The following ZSCAN5A variants were observed in gnomAD, a reference collection of about 807,000 sequenced individuals.
ZSCAN5A encodes zinc finger and SCAN domain containing 5A.
Under a neutral mutation model 23.7 loss-of-function variants are expected in ZSCAN5A, and 12 were observed. That is an observed-to-expected ratio of 0.51 (90% CI 0.32 to 0.82). ZSCAN5A has a LOEUF of 0.82. Among genes scored for constraint, ZSCAN5A ranks in the 40% least tolerant of loss-of-function variants. ZSCAN5A has a pLI of 0.03. For synonymous variants in ZSCAN5A, 257 were observed against 239.9 expected, an observed-to-expected ratio of 1.07 and a Z score of -0.66; for missense variants, 597 against 617.9, an observed-to-expected ratio of 0.97 and a Z score of 0.36.
chr19:56,271,743 C>T (rs1158836134), intron 2 of ZSCAN5A, among the ~76,000 whole-genome samples: 1 of 152,200 alleles, frequency 6.6e-6, no homozygotes, highest in African/African-American at 2.4e-5. Context: ...CAGGACACTA[C>T]ACACAACCCT....
chr19:56,247,023 C>A, intron 2 of ZSCAN5A: 2 of 986,724 alleles, frequency 2.0e-6, no homozygotes, highest in South Asian at 1.3e-5. Flanking sequence ...CAGTCAGTCA[C>A]CCCAATGGCC....
intron 3 of ZSCAN5A, 129 bp from the exon 4 acceptor site, chr19:56,223,963 G>C: frequency 1.2e-6 from 1 of 855,672 alleles, no homozygotes; most frequent in Admixed American, 2.6e-5. Context: ...CCAATAGAGA[G>C]TCAGCTCTGT....
intron 2 of ZSCAN5A, among the ~76,000 whole-genome samples, chr19:56,356,310 C>T (rs1459423390): frequency 6.7e-6 from 1 of 148,600 alleles, no homozygotes; most frequent in East Asian, 1.9e-4. Context: ...GTGGGAATTA[C>T]GTGATGCAGG....
At position 56,221,931 on chromosome 19, in the gene ZSCAN5A, T is replaced by A; in HGVS notation, c.1135A>T (p.Thr379Ser). ...SKLVIHKRSH[T>S]GERLFQCNLC... is the part of the protein sequence containing the mutation. ...TTACATTGAAAGAGTCTCTCGCCTG[T>A]GTGTGATCTCTTGTGGATGACTAGC... Residue 379 changes from threonine (T) to serine (S), a missense_variant, in exon 6 of 6, where the codon ACA (threonine) becomes TCA (serine). Physicochemically the swap from Thr to Ser is moderately conservative, Grantham distance 58 (BLOSUM62 1). Transcript: ENST00000683990. The A allele has an allele frequency of 6.2e-7, 1 of 1,614,168 alleles. No homozygotes were observed. Among genetic ancestry groups the A allele is most frequent in the Non-Finnish European group, 8.5e-7 (1 of 1,180,032 alleles).
At chr19:56,310,320 G>T (rs537454574) in intron 2 of ZSCAN5A, 50 of 152,386 alleles carry the variant, frequency 3.3e-4, no homozygotes, top group African/African-American at 1.1e-3. Context: ...TGTCTGTGGG[G>T]GCCATGCCTT....
chr19:56,355,625 G>A (rs1365018232), intron 2 of ZSCAN5A, among the ~76,000 whole-genome samples: 2 of 149,036 alleles, frequency 1.3e-5, no homozygotes. Flanking sequence ...ATGATAAAAT[G>A]ATTTATAACA....
At chr19:56,314,658 G>A (rs957063997) in intron 1 of ZSCAN5A, 23 bp downstream of exon 1, 1 of 152,272 alleles carries the variant, frequency 6.6e-6, no homozygotes, top group Admixed American at 6.5e-5. Context: ...CCGCAAGGGC[G>A]GAAGGGAAGC....
At chr19:56,266,013 C>CA (rs2037444506) in intron 2 of ZSCAN5A, among the ~76,000 whole-genome samples, 1 of 152,160 alleles carries the variant, frequency 6.6e-6, no homozygotes, top group Non-Finnish European at 1.5e-5. Flanking sequence ...AGCAGCTAAA[C>CA]AAGTTCACAA....
At chr19:56,300,047 T>C (rs1399524192) in intron 2 of ZSCAN5A, 1 of 152,156 alleles carries the variant, frequency 6.6e-6, no homozygotes, top group African/African-American at 2.4e-5. Flanking sequence ...TTGTGTACCT[T>C]TGATTGGGAG....
intron 2 of ZSCAN5A, among the ~76,000 whole-genome samples, chr19:56,260,214 CTTTTT>C (rs398041088): frequency 1.3e-4 from 16 of 127,872 alleles, no homozygotes; most frequent in African/African-American, 3.7e-4. Context: ...TATTTTTTTA[CTTTTT>C]TTTTTTTTTT....
At chr19:56,339,807 C>T (rs1016500514) in intron 2 of ZSCAN5A, among the ~76,000 whole-genome samples, 3 of 143,918 alleles carry the variant, frequency 2.1e-5, no homozygotes, top group Non-Finnish European at 4.6e-5. Context: ...TGTGAAGGAG[C>T]GGTTGTAGCC....
intron 2 of ZSCAN5A, among the ~76,000 whole-genome samples, chr19:56,305,120 C>G (rs534992091): frequency 3.1e-4 from 47 of 152,328 alleles, no homozygotes; most frequent in African/African-American, 9.6e-4. Context: ...TGTGGCCCAA[C>G]ACACACGACA....
At chr19:56,313,085 C>T (rs949243092) in intron 2 of ZSCAN5A, among the ~76,000 whole-genome samples, 198 bp downstream of exon 2, 1 of 152,208 alleles carries the variant, frequency 6.6e-6, no homozygotes, top group Non-Finnish European at 1.5e-5. Flanking sequence ...ATAGGAAGCT[C>T]TTGTCTTTTC....
intron 2 of ZSCAN5A, chr19:56,343,522 A>C (rs921064561): frequency 3.0e-5 from 12 of 397,544 alleles, no homozygotes; most frequent in African/African-American, 2.3e-4. Context: ...AGCTGCTCTA[A>C]GTGTATTTTC....
rs778155664 is a variant in ZSCAN5A, at chr19:56,230,615, A to ATATGTGTGTGTG, written c.-127-5443_-127-5442insCACACACACATA. Among the ~76,000 whole-genome samples the ATATGTGTGTGTG allele has an allele frequency of 9.1e-3, 1,348 of 147,634 alleles. 66 individuals carry two copies. In the East Asian group the frequency reaches 0.12, roughly 13 times the overall value. ...CATCTGGCTTTCTTTTTATTTCTTG[A>ATATGTGTGTGTG]TGTGTGTGTGTGTGTGTGTGTGTGT... On this transcript the variant is annotated intron_variant, in intron 2 of 5. Transcript: ENST00000683990.
At chr19:56,281,950 CAG>C (rs1189126452) in intron 2 of ZSCAN5A, among the ~76,000 whole-genome samples, 1 of 152,120 alleles carries the variant, frequency 6.6e-6, no homozygotes, top group Non-Finnish European at 1.5e-5. Flanking sequence ...GGTGTGCTGT[CAG>C]AGAGAAAGAG....
intron 3 of ZSCAN5A, chr19:56,224,216 C>A: frequency 3.9e-6 from 1 of 254,826 alleles, no homozygotes; most frequent in Non-Finnish European, 7.5e-6. Flanking sequence ...CTGATACCAA[C>A]CACTTTCCCT....
chr19:56,276,833 G>A (rs1439387230), intron 2 of ZSCAN5A, among the ~76,000 whole-genome samples: 2 of 151,874 alleles, frequency 1.3e-5, no homozygotes, highest in Non-Finnish European at 2.9e-5. Context: ...CACTGTGCCC[G>A]GCCAAAGGTT....
intron 2 of ZSCAN5A, among the ~76,000 whole-genome samples, chr19:56,247,693 C>A (rs1012606851): frequency 1.7e-4 from 13 of 76,374 alleles, no homozygotes; most frequent in African/African-American, 3.1e-4. Flanking sequence ...GCTGTTCTTT[C>A]TTTTATTATT....
Sources: gnomAD v4.1 joint callset for allele counts (sites outside exome capture counted in the v4.1 genomes callset) on GRCh38, gnomAD v4.1.1 for gene constraint, MANE v1.5 for transcripts, NCBI Gene and HGNC (gene_info 2026-07-23, HGNC 2026-07-21) for gene names.